The following PRKN variants were observed in gnomAD, a reference collection of about 807,000 sequenced individuals.
PRKN encodes the protein E3 ubiquitin-protein ligase parkin.
In PRKN, 56 loss-of-function variants were observed where a neutral mutation model predicts 59.5. The ratio of observed to expected loss-of-function variants is 0.94; its 90% CI spans 0.76 to 1.18. The LOEUF (loss-of-function observed/expected upper bound fraction) is 1.18. PRKN is among the 50% of genes most tolerant of loss of function. The pLI is 0.00. For synonymous variants in PRKN, 250 were observed against 222.1 expected, an observed-to-expected ratio of 1.13 and a Z score of -1.12; for missense variants, 657 against 596.4, an observed-to-expected ratio of 1.10 and a Z score of -1.06.
At chr6:162,335,472 C>T (rs1013788804) in intron 2 of PRKN, among the ~76,000 whole-genome samples, 2 of 152,102 alleles carry the variant, frequency 1.3e-5, no homozygotes, top group South Asian at 2.1e-4. Flanking sequence ...TTTGTTTTAC[C>T]GTGGTCTTCT....
At chr6:162,436,904 C>T (rs1176679679) in intron 2 of PRKN, among the ~76,000 whole-genome samples, 1 of 151,740 alleles carries the variant, frequency 6.6e-6, no homozygotes, top group Admixed American at 6.6e-5. Flanking sequence ...CCAGCCTGGC[C>T]AACATGGTGA....
intron 1 of PRKN, among the ~76,000 whole-genome samples, chr6:162,677,465 A>AG (rs1779597417): frequency 2.5e-5 from 1 of 39,644 alleles, no homozygotes; most frequent in Non-Finnish European, 4.2e-5. Context: ...AGCACTGTGG[A>AG]GAAAAAAAAA....
At chr6:162,088,194 A>G (rs184363413) in intron 4 of PRKN, among the ~76,000 whole-genome samples, 231 of 152,286 alleles carry the variant, frequency 1.5e-3, no homozygotes, top group African/African-American at 5.3e-3. Context: ...TTGATTCTGA[A>G]CCCATATTAT....
At chr6:162,716,770 A>G (rs551395253) in intron 1 of PRKN, among the ~76,000 whole-genome samples, 23 of 136,344 alleles carry the variant, frequency 1.7e-4, no homozygotes, top group African/African-American at 6.6e-4. Flanking sequence ...GCGCGCGCGC[A>G]CGCACACACA....
In PRKN at chr6:161,995,957, C is replaced by T. The variant is rs970048377; in HGVS notation, c.619-22540G>A. ...AGGAGTTTGAGACAAGTCTGGGCAACATACCAAGACCCCATTTTCACAAAA... is the reference window on the plus strand; with the variant it reads ...AGGAGTTTGAGACAAGTCTGGGCAATATACCAAGACCCCATTTTCACAAAA... On this transcript the variant is annotated intron_variant, in intron 5 of 11. Transcript: ENST00000366898. 4.6e-5 allele frequency among the ~76,000 whole-genome samples: 7 copies of T among 152,236 alleles called. No individual in the cohort carries two copies. The South Asian group carries it at 1.2e-3, about 27-fold the overall frequency.
In PRKN at chr6:162,149,956, A is replaced by G. The variant is rs78978990; in HGVS notation, c.534+51175T>C. ...AATGTTTTGTCTTGGAAAGCACTGT[A>G]TGGTATAAAGACTCTACATTCCTGC... On this transcript the variant is annotated intron_variant, in intron 4 of 11. Transcript: ENST00000366898. Among the ~76,000 whole-genome samples, 427 of 152,240 alleles carry G rather than the reference A, an allele frequency of 2.8e-3. 6 individuals are homozygous for G. In the East Asian group the frequency reaches 0.036, roughly 13 times the overall value.
chr6:162,207,642 C>T (rs773475687), intron 3 of PRKN, among the ~76,000 whole-genome samples: 26 of 152,230 alleles, frequency 1.7e-4, no homozygotes, highest in Middle Eastern at 3.4e-3. Flanking sequence ...TTCAGTTGAA[C>T]GCTTCCTTCC....
chr6:161,417,930 A>C lies in PRKN; in HGVS notation c.1084-31053T>G, dbSNP rs1787926135. Among the ~76,000 whole-genome samples the C allele has an allele frequency of 6.6e-6, 1 of 152,168 alleles. No homozygotes were observed. The highest frequency in any genetic ancestry group is 1.5e-5 in the Non-Finnish European group (1 of 68,038). On this transcript the variant is annotated intron_variant, in intron 9 of 11. Coordinates refer to ENST00000366898, the MANE Select transcript of PRKN (RefSeq NM_004562.3). The surrounding 1 kb of genome is among the most constrained non-coding windows in gnomAD (Gnocchi z 5.4). ...CAGACTCAGTGGCCCACCCAGGGGC[A>C]TGAGTAATGCTGGGAGCTGCAGGCT...
intron 1 of PRKN, among the ~76,000 whole-genome samples, chr6:162,666,744 C>CAGT (rs1779119791): frequency 6.6e-6 from 1 of 152,060 alleles, no homozygotes; most frequent in Admixed American, 6.6e-5. Flanking sequence ...TAAAGCACTA[C>CAGT]AGTACTTCAG....
chr6:162,484,075 T>C (rs1285293703), intron 1 of PRKN, among the ~76,000 whole-genome samples: 1 of 152,172 alleles, frequency 6.6e-6, no homozygotes, highest in African/African-American at 2.4e-5. Context: ...GCATAAAGTA[T>C]GTCTAAAAAA....
At chr6:162,329,699 T>C (rs1444533392) in intron 2 of PRKN, among the ~76,000 whole-genome samples, 1 of 152,088 alleles carries the variant, frequency 6.6e-6, no homozygotes, top group Non-Finnish European at 1.5e-5. Context: ...ACAGGATCTC[T>C]AAATTTCAAA....
In PRKN at chr6:161,566,687, G is replaced by A. The variant is rs1010998473; in HGVS notation, c.933+2668C>T. ...CTCCCAAAGATGTGGGATTACAGGT[G>A]TGAGCTGCCACGCCTGGCCTCCTCC... On this transcript the variant is annotated intron_variant, in intron 8 of 11. Transcript: ENST00000366898. This position sits in a 1 kb window ranked among gnomAD's most constrained non-coding sequence, Gnocchi z 4.1. Among the ~76,000 whole-genome samples the A allele has an allele frequency of 6.6e-6, 1 of 152,170 alleles. No homozygotes were observed. The highest frequency in any genetic ancestry group is 1.5e-5 in the Non-Finnish European group (1 of 68,026).
intron 7 of PRKN, among the ~76,000 whole-genome samples, chr6:161,685,404 AC>A (rs1433315896): frequency 6.6e-6 from 1 of 152,180 alleles, no homozygotes; most frequent in African/African-American, 2.4e-5. Context: ...GTTATTTTCA[AC>A]CCCAGCTTGA....
chr6:162,719,509 C>T (rs920749926), intron 1 of PRKN, among the ~76,000 whole-genome samples: 1 of 150,660 alleles, frequency 6.6e-6, no homozygotes, highest in Non-Finnish European at 1.5e-5. Context: ...CTCTAGCTGC[C>T]CAGAGTTCAT....
intron 7 of PRKN, among the ~76,000 whole-genome samples, chr6:161,629,952 G>T (rs1783237113): frequency 6.6e-6 from 1 of 152,194 alleles, no homozygotes. Context: ...TAGCTTAAGG[G>T]TTTGTGAAAT....
At chr6:161,900,773 CATA>C (rs1467954771) in intron 6 of PRKN, among the ~76,000 whole-genome samples, 3 of 59,810 alleles carry the variant, frequency 5.0e-5, no homozygotes, top group Non-Finnish European at 9.0e-5. Flanking sequence ...ATACAACATA[CATA>C]ATTATATATA....
intron 1 of PRKN, among the ~76,000 whole-genome samples, chr6:162,705,795 A>G (rs1460678071): frequency 1.3e-5 from 2 of 152,182 alleles, no homozygotes; most frequent in Non-Finnish European, 2.9e-5. Flanking sequence ...TATCAGGGCT[A>G]GAGGGATAGT....
At chr6:162,142,715 G>A (rs895506124) in intron 4 of PRKN, among the ~76,000 whole-genome samples, 1 of 152,142 alleles carries the variant, frequency 6.6e-6, no homozygotes, top group Non-Finnish European at 1.5e-5. Flanking sequence ...TATTGCTTTA[G>A]TGAAGAAACA....
At position 161,545,319 on chromosome 6, in the gene PRKN, C is replaced by T. The variant is rs188152982; in HGVS notation, c.1083+3535G>A. The T allele has an allele frequency of 1.3e-4, 209 of 1,581,262 alleles. No homozygotes were observed. Among genetic ancestry groups the T allele is most frequent in the Non-Finnish European group, 1.7e-4 (193 of 1,162,796 alleles). ...TTAATGACGTCTAGGGCTTTTTCCA[C>T]ATCTGGAACTCTGTAATTCTTCTAT... On this transcript the variant is annotated intron_variant, in intron 9 of 11. Coordinates refer to ENST00000366898, the MANE Select transcript of PRKN (RefSeq NM_004562.3). The surrounding 1 kb of genome is among the most constrained non-coding windows in gnomAD (Gnocchi z 4.1).
Sources: gnomAD v4.1 joint callset for allele counts (sites outside exome capture counted in the v4.1 genomes callset) on GRCh38, gnomAD v4.1.1 for gene constraint, Gnocchi (gnomAD v3.1) non-coding constraint, MANE v1.5 for transcripts, NCBI Gene and HGNC (gene_info 2026-07-23, HGNC 2026-07-21) for gene names.